The following CCDC148 variants were observed in gnomAD, a reference collection of about 807,000 sequenced individuals.
The protein encoded by CCDC148 is coiled-coil domain-containing protein 148.
In CCDC148, 89 loss-of-function variants were observed where a neutral mutation model predicts 85.7. That is an observed-to-expected ratio of 1.04 (90% confidence interval 0.87 to 1.24). CCDC148 has a LOEUF of 1.24. Ranked by LOEUF, CCDC148 falls within the 50% of genes most tolerant of loss-of-function variation. The pLI, the probability that CCDC148 is intolerant of heterozygous loss-of-function variation, is 0.00. For missense variants in CCDC148, 692 were observed against 671.7 expected (o/e 1.03, Z -0.33); for synonymous variants, 230 against 213.9 (o/e 1.08, Z -0.66).
chr2:158,239,388 T>TC (rs1688253179), intron 10 of CCDC148, among the ~76,000 whole-genome samples: 1 of 151,218 alleles, frequency 6.6e-6, no homozygotes, highest in Non-Finnish European at 1.5e-5. Context: ...TTTCTACCTT[T>TC]TAAAAAGATG....
At chr2:158,257,342 C>T (rs1285647020) in intron 9 of CCDC148, among the ~76,000 whole-genome samples, 4 of 151,836 alleles carry the variant, frequency 2.6e-5, no homozygotes, top group Non-Finnish European at 4.4e-5. Flanking sequence ...CTATAAGCTT[C>T]TAAATTCAGT....
chr2:158,183,479 T>C (rs1685004693), intron 11 of CCDC148, among the ~76,000 whole-genome samples: 1 of 152,082 alleles, frequency 6.6e-6, no homozygotes, highest in Non-Finnish European at 1.5e-5. Flanking sequence ...CACAGCTAAC[T>C]TTCCTCTCAA....
intron 9 of CCDC148, among the ~76,000 whole-genome samples, chr2:158,269,085 T>C (rs1481663889): frequency 1.3e-5 from 2 of 152,174 alleles, no homozygotes; most frequent in African/African-American, 4.8e-5. Context: ...ATTCAGAAGA[T>C]GAATTGCTGG....
At chr2:158,183,739 A>C (rs1438170806) in intron 11 of CCDC148, among the ~76,000 whole-genome samples, 2 of 152,184 alleles carry the variant, frequency 1.3e-5, no homozygotes, top group African/African-American at 4.8e-5. Context: ...TGTTTAAGTC[A>C]TGTGGCTTAG....
At chr2:158,330,024 G>A (rs1455902081) in intron 7 of CCDC148, among the ~76,000 whole-genome samples, 1 of 152,054 alleles carries the variant, frequency 6.6e-6, no homozygotes, top group East Asian at 1.9e-4. Context: ...GATTGCCCTG[G>A]CCAGAACTTC....
intron 11 of CCDC148, among the ~76,000 whole-genome samples, chr2:158,207,138 G>A (rs781231587): frequency 1.6e-4 from 24 of 152,088 alleles, no homozygotes; most frequent in Non-Finnish European, 2.5e-4. Flanking sequence ...CCATAGTATC[G>A]CACAAGACAT....
intron 11 of CCDC148, among the ~76,000 whole-genome samples, chr2:158,185,482 T>C (rs529450713): frequency 1.2e-4 from 18 of 152,130 alleles, no homozygotes; most frequent in Admixed American, 6.6e-4. Flanking sequence ...GGATATCTTA[T>C]CACAATGGAA....
intron 9 of CCDC148, among the ~76,000 whole-genome samples, chr2:158,284,807 C>G (rs986549197): frequency 2.0e-5 from 3 of 151,922 alleles, no homozygotes; most frequent in Non-Finnish European, 4.4e-5. Context: ...CCAGAACCAG[C>G]GAAAACAAAA....
chr2:158,431,800 T>C (rs1687365574), intron 1 of CCDC148, among the ~76,000 whole-genome samples: 1 of 151,910 alleles, frequency 6.6e-6, no homozygotes, highest in Non-Finnish European at 1.5e-5. Context: ...TAGCTGGGTG[T>C]GATGGTGTGT....
At chr2:158,402,432 CA>C (rs5835702) in intron 1 of CCDC148, among the ~76,000 whole-genome samples, 97,027 of 143,026 alleles carry the variant, frequency 0.68, 32,875 homozygotes, top group East Asian at 0.81. Context: ...AGAAAGTAGT[CA>C]AAAAAAAAAA....
At chr2:158,230,460 C>G (rs1687801543) in intron 10 of CCDC148, among the ~76,000 whole-genome samples, 1 of 152,110 alleles carries the variant, frequency 6.6e-6, no homozygotes, top group Non-Finnish European at 1.5e-5. Context: ...GAGGGTGCAA[C>G]AGCATTGGAT....
intron 7 of CCDC148, among the ~76,000 whole-genome samples, chr2:158,332,439 A>AT: frequency 7.1e-6 from 1 of 140,192 alleles, no homozygotes; most frequent in African/African-American, 2.8e-5. Context: ...TGCCCTTAAC[A>AT]TTTTTTCCCT....
At chr2:158,442,188 C>CTT (rs1429135948) in intron 1 of CCDC148, among the ~76,000 whole-genome samples, 4 of 152,060 alleles carry the variant, frequency 2.6e-5, no homozygotes, top group Non-Finnish European at 5.9e-5. Flanking sequence ...AAATAATTGG[C>CTT]TTTTGTTCAT....
At chr2:158,260,482 AT>A (rs1689174378) in intron 9 of CCDC148, among the ~76,000 whole-genome samples, 1 of 152,048 alleles carries the variant, frequency 6.6e-6, no homozygotes, top group African/African-American at 2.4e-5. Flanking sequence ...CACCACTACT[AT>A]GCAACATAGT....
intron 1 of CCDC148, among the ~76,000 whole-genome samples, chr2:158,407,483 T>C (rs1285683795): frequency 6.6e-6 from 1 of 152,184 alleles, no homozygotes; most frequent in Admixed American, 6.6e-5. Context: ...TGGAGTTGTA[T>C]CAAAATACAT....
At chr2:158,226,942 G>C (rs1054522501) in intron 10 of CCDC148, among the ~76,000 whole-genome samples, 13 of 152,142 alleles carry the variant, frequency 8.5e-5, no homozygotes, top group African/African-American at 2.9e-4. Flanking sequence ...CATAGTGTTG[G>C]AAGTTCTGAC....
chr2:158,194,708 G>GA (rs1685581608), intron 11 of CCDC148, among the ~76,000 whole-genome samples: 2 of 152,134 alleles, frequency 1.3e-5, no homozygotes, highest in South Asian at 4.1e-4. Flanking sequence ...CAACGAGATA[G>GA]AAAATTGTTA....
chr2:158,192,447 G>A (rs957853067), intron 11 of CCDC148, among the ~76,000 whole-genome samples: 2 of 151,952 alleles, frequency 1.3e-5, no homozygotes, highest in African/African-American at 4.8e-5. Context: ...GAGAAGTAGG[G>A]CAGGGTTTAC....
At chr2:158,213,761 T>A (rs898783651) in intron 11 of CCDC148, among the ~76,000 whole-genome samples, 2 of 152,100 alleles carry the variant, frequency 1.3e-5, no homozygotes, top group African/African-American at 4.8e-5. Context: ...GAATGCTCAG[T>A]AAAGAAAGTT....
Sources: gnomAD v4.1 joint callset for allele counts (sites outside exome capture counted in the v4.1 genomes callset) on GRCh38, gnomAD v4.1.1 for gene constraint, MANE v1.5 for transcripts, NCBI Gene and HGNC (gene_info 2026-07-23, HGNC 2026-07-21) for gene names.